Variants in ANO1 observed in about 807,000 individuals in gnomAD.
ANO1 encodes anoctamin-1.
In ANO1, 59 loss-of-function variants were observed where a neutral mutation model predicts 124.0. The observed-to-expected ratio is 0.48, with a 90% confidence interval of 0.39 to 0.59. The LOEUF is 0.59. Ranked by LOEUF, ANO1 falls within the 20% of genes least tolerant of loss-of-function variation. The pLI is 0.00. For synonymous variants in ANO1, 529 were observed against 532.0 expected (o/e 0.99, Z 0.08); for missense variants, 1,059 against 1,328.0 (o/e 0.80, Z 3.15).
chr11:70,175,059 C>T (rs1428743824), intron 22 of ANO1, among the ~76,000 whole-genome samples: 1 of 152,076 alleles, frequency 6.6e-6, no homozygotes. Context: ...TGCTCTGGCA[C>T]CCTCTGCTTC....
intron 11 of ANO1, among the ~76,000 whole-genome samples, chr11:70,146,093 G>C (rs2077561): frequency 6.6e-6 from 1 of 151,858 alleles, no homozygotes; most frequent in African/African-American, 2.4e-5. Flanking sequence ...GATTTGTGAC[G>C]CTACAGCTAT....
At chr11:70,111,378 T>G (rs185852924) in intron 6 of ANO1, among the ~76,000 whole-genome samples, 135 of 152,288 alleles carry the variant, frequency 8.9e-4, no homozygotes, top group African/African-American at 3.1e-3. Context: ...AGCCGGTGAA[T>G]CGGAGGCTTG....
intron 1 of ANO1, among the ~76,000 whole-genome samples, chr11:70,008,815 G>A (rs544718705): frequency 5.9e-5 from 9 of 152,120 alleles, no homozygotes; most frequent in Non-Finnish European, 1.2e-4. Context: ...ATGCTGTCCA[G>A]GTCACTGGCC....
intron 23 of ANO1, 56 bp downstream of exon 23, chr11:70,180,112 G>T: frequency 6.5e-7 from 1 of 1,528,352 alleles, no homozygotes; most frequent in Non-Finnish European, 9.1e-7. Flanking sequence ...CTGCCAGGTG[G>T]CCGGGGCCCT....
At chr11:70,165,425 T>C in intron 19 of ANO1, 45 bp from the exon 20 acceptor site, 2 of 1,524,198 alleles carry the variant, frequency 1.3e-6, no homozygotes, top group Non-Finnish European at 1.8e-6. Context: ...GGGGTCCCTC[T>C]CTCGGTGTCC....
At chr11:69,983,019 GC>G (rs1855972197), upstream of ANO1, among the ~76,000 whole-genome samples, 1 of 152,144 alleles carries the variant, frequency 6.6e-6, no homozygotes, top group African/African-American at 2.4e-5. Flanking sequence ...AAGGAGAAAT[GC>G]ACAGAGGGAG....
intron 1 of ANO1, among the ~76,000 whole-genome samples, chr11:70,086,420 C>G (rs1303538575): frequency 6.6e-6 from 1 of 152,296 alleles, no homozygotes. Context: ...CCCGTGGCCC[C>G]CTAGAGTCCT....
At chr11:69,985,667 C>T (rs1173665367), upstream of ANO1, among the ~76,000 whole-genome samples, 2 of 152,186 alleles carry the variant, frequency 1.3e-5, no homozygotes, top group Non-Finnish European at 2.9e-5. Context: ...CCCCACTGCC[C>T]GCCCCAACTG....
In ANO1 at chr11:70,180,016, A is replaced by G. The variant is rs776955351; in HGVS notation, c.2363A>G (p.Asn788Ser). Reference sequence around the variant, plus strand: ...CTTCTTCCCCCAGGAATCTGGTACAATATCCTCAGAGGCATTGGGAAGCTT... The same window carrying G: ...CTTCTTCCCCCAGGAATCTGGTACAGTATCCTCAGAGGCATTGGGAAGCTT... ...VRAKDIGIWY[N>S]ILRGIGKLAV... Residue 788 changes from asparagine (N) to serine (S), a missense_variant, in exon 23 of 26, where the codon AAT (asparagine) becomes AGT (serine). Around this residue, in one of 2 missense-constraint regions of ANO1, gnomAD observed 809 missense variants for 1,094.9 expected, o/e 0.74. Transcript: ENST00000355303. 6 of 1,613,048 alleles carry G rather than the reference A, an allele frequency of 3.7e-6. No homozygotes were observed. Among genetic ancestry groups the G allele is most frequent in the Admixed American group, 3.3e-5 (2 of 60,018 alleles).
At position 70,078,706 on chromosome 11, in the gene ANO1, G is replaced by A. The variant is rs765034332; in HGVS notation, c.100G>A (p.Glu34Lys). 5 of 1,484,238 alleles carry A rather than the reference G, an allele frequency of 3.4e-6. No homozygotes were observed. The highest frequency in any genetic ancestry group is 2.4e-5 in the South Asian group (2 of 84,534). 91.9% of individuals were successfully genotyped at this position (1,484,238 alleles called of 1,614,324 possible). ...AIEDIGYLPS[E>K]GTLLNSLSVD... is the part of the protein sequence containing the mutation. ...CGAGGACATCGGCTACCTGCCGTCC[G>A]AGGGCACGGTGAGTGCGGGCGGCCG... Residue 34 changes from glutamate to lysine, a missense_variant, in exon 1 of 26, where the codon GAG becomes AAG. By Grantham distance (56) the Glu-to-Lys change is moderately conservative. Coordinates refer to ENST00000355303, the MANE Select transcript of ANO1 (RefSeq NM_018043.7).
chr11:69,999,342 C>G (rs782357644), intron 1 of ANO1, among the ~76,000 whole-genome samples: 5 of 152,214 alleles, frequency 3.3e-5, no homozygotes, highest in African/African-American at 9.6e-5. Context: ...CAAGGACACA[C>G]TATTAACCAC....
intron 1 of ANO1, among the ~76,000 whole-genome samples, chr11:70,071,741 A>T (rs1857878773): frequency 6.6e-6 from 1 of 152,048 alleles, no homozygotes; most frequent in East Asian, 1.9e-4. Context: ...CTCCCACCTG[A>T]ATTTCCCAAG....
upstream of ANO1, among the ~76,000 whole-genome samples, chr11:70,076,433 C>CTT (rs782542933): frequency 2.0e-5 from 3 of 146,542 alleles, no homozygotes; most frequent in Non-Finnish European, 3.0e-5. Context: ...TATTTTTACT[C>CTT]TTTTTTTTTT....
intron 1 of ANO1, among the ~76,000 whole-genome samples, chr11:70,003,604 T>TGGGTGGGTGGGG: frequency 8.4e-5 from 1 of 11,932 alleles, no homozygotes; most frequent in Non-Finnish European, 1.7e-4. Flanking sequence ...GGTGGATGGA[T>TGGGTGGGTGGGG]GGATGGATGG....
At chr11:70,111,296 A>G in intron 6 of ANO1, 1 of 469,732 alleles carries the variant, frequency 2.1e-6, no homozygotes, top group South Asian at 1.7e-5. Context: ...ATATTTCCTC[A>G]TGATTCAGCT....
chr11:70,187,011 G>A (rs2049154544), intron 25 of ANO1, among the ~76,000 whole-genome samples: 1 of 152,226 alleles, frequency 6.6e-6, no homozygotes, highest in Non-Finnish European at 1.5e-5. Context: ...CTCACCTGGA[G>A]GCAAGGCAGC....
intron 1 of ANO1, among the ~76,000 whole-genome samples, chr11:70,035,131 G>A (rs1555004235): frequency 6.6e-6 from 1 of 152,156 alleles, no homozygotes; most frequent in African/African-American, 2.4e-5. Context: ...CCCCAGTGGG[G>A]CTGTGCACAG....
chr11:70,040,807 T>A (rs2135056102), intron 1 of ANO1, among the ~76,000 whole-genome samples: 1 of 152,230 alleles, frequency 6.6e-6, no homozygotes, highest in East Asian at 1.9e-4. Context: ...AAGGAGACTA[T>A]GAAGCCATCT....
rs1011816623 is a variant in ANO1 at position 70,078,592 on chromosome 11, G to T, written c.-15G>T. The T allele has an allele frequency of 6.8e-7, 1 of 1,463,452 alleles. No homozygotes were observed. The highest frequency in any genetic ancestry group is 9.1e-7 in the Non-Finnish European group (1 of 1,095,234). 90.7% of individuals were successfully genotyped at this position (1,463,452 alleles called of 1,614,324 possible). A position where few individuals can be genotyped will look rare whatever the true frequency, so the allele number is the denominator to read the frequency against. ...GGGCGCGCCGCCCGGCGGTCCCAGC[G>T]CACAGGCGGCCACGATGAGGGTCAA... On this transcript the variant is annotated 5_prime_UTR_variant, in exon 1 of 26. Transcript: ENST00000355303.
Sources: gnomAD v4.1 joint callset for allele counts (sites outside exome capture counted in the v4.1 genomes callset) on GRCh38, gnomAD v4.1.1 for gene constraint, gnomAD v4.1.1 regional missense constraint, MANE v1.5 for transcripts, NCBI Gene and HGNC (gene_info 2026-07-23, HGNC 2026-07-21) for gene names.